Variants in TRIM5 observed in about 807,000 individuals in gnomAD.
TRIM5 encodes tripartite motif-containing protein 5.
TRIM5 carries 31 observed loss-of-function variants against 35.6 expected under a neutral mutation model. That is an observed-to-expected ratio of 0.87 (90% CI 0.65 to 1.18). The LOEUF (loss-of-function observed/expected upper bound fraction) is 1.18, where lower values mean the gene tolerates loss of function less well. Ranked by LOEUF, TRIM5 falls within the 50% of genes most tolerant of loss-of-function variation. TRIM5 has a pLI of 0.00. For missense variants in TRIM5, 609 were observed against 591.6 expected (o/e 1.03, Z -0.31); for synonymous variants, 243 against 215.6 (o/e 1.13, Z -1.11).
the TRIM5 span, chr11:5,643,114 C>A: frequency 2.0e-6 from 1 of 492,972 alleles, no homozygotes; most frequent in Non-Finnish European, 2.7e-6. Flanking sequence ...TATTCATATA[C>A]ATATATATAT....
chr11:5,684,288 TC>T (rs1852840790), intron 1 of TRIM5: 1 of 152,376 alleles, frequency 6.6e-6, no homozygotes, highest in Non-Finnish European at 1.5e-5. Flanking sequence ...GCCAATGCTT[TC>T]CACTGTTTTG....
the TRIM5 span, chr11:5,610,651 T>C: frequency 1.3e-6 from 2 of 1,571,068 alleles, no homozygotes; most frequent in African/African-American, 2.7e-5. Context: ...ATCCTAGGTG[T>C]TGATGCCTCC....
the TRIM5 span, chr11:5,644,262 T>C: frequency 1.0e-5 from 4 of 398,710 alleles, no homozygotes; most frequent in Non-Finnish European, 1.8e-5. Context: ...TCAGTTTCTT[T>C]TTCCTGAAAT....
chr11:5,657,454 T>C, the TRIM5 span, among the ~76,000 whole-genome samples: 46 of 143,586 alleles, frequency 3.2e-4, 1 homozygote, highest in South Asian at 6.4e-4. Context: ...GAACTTAAAG[T>C]GTATATATAT....
chr11:5,668,769 C>T (rs1851338681), intron 4 of TRIM5, among the ~76,000 whole-genome samples: 1 of 152,104 alleles, frequency 6.6e-6, no homozygotes, highest in Admixed American at 6.6e-5. Flanking sequence ...CTTAAGGTTG[C>T]TCTCTTTTCA....
chr11:5,619,573 T>C, the TRIM5 span, among the ~76,000 whole-genome samples: 1 of 149,742 alleles, frequency 6.7e-6, no homozygotes, highest in Non-Finnish European at 1.5e-5. Context: ...GCCCTAAGTC[T>C]AGGTGCTAGG....
At chr11:5,633,866 A>G in the TRIM5 span, 2 of 1,614,132 alleles carry the variant, frequency 1.2e-6, no homozygotes, top group Non-Finnish European at 1.7e-6. Context: ...AGAAGCTGGA[A>G]GCTGACATCA....
the TRIM5 span, chr11:5,634,980 C>T: frequency 5.8e-6 from 6 of 1,029,728 alleles, no homozygotes; most frequent in Admixed American, 1.1e-4. Flanking sequence ...GCCTTGTCGT[C>T]CATTCTAGAT....
the TRIM5 span, chr11:5,642,596 C>T: frequency 3.4e-6 from 5 of 1,491,558 alleles, no homozygotes; most frequent in Admixed American, 4.4e-5. Flanking sequence ...AAATTGAGGA[C>T]AGAAGAGAGG....
downstream of TRIM5, among the ~76,000 whole-genome samples, chr11:5,661,749 A>G (rs1034620027): frequency 6.6e-6 from 1 of 152,178 alleles, no homozygotes; most frequent in Non-Finnish European, 1.5e-5. Context: ...CCTTTTACTG[A>G]GAAGACGGAG....
intron 2 of TRIM5, 103 bp downstream of exon 2, chr11:5,679,658 T>C (rs1852274934): frequency 8.0e-7 from 1 of 1,250,694 alleles, no homozygotes; most frequent in Non-Finnish European, 1.1e-6. Flanking sequence ...TAATCCCGGG[T>C]CTCAGGTCTA....
At chr11:5,670,385 C>T (rs1022294138) in intron 4 of TRIM5, among the ~76,000 whole-genome samples, 1 of 151,516 alleles carries the variant, frequency 6.6e-6, no homozygotes, top group African/African-American at 2.4e-5. Flanking sequence ...TGGGTTTTCA[C>T]CGTGTAAGCC....
chr11:5,609,275 G>A, the TRIM5 span, among the ~76,000 whole-genome samples: 1 of 152,146 alleles, frequency 6.6e-6, no homozygotes, highest in African/African-American at 2.4e-5. Flanking sequence ...CCGTTTGGAG[G>A]TGAGGACATC....
At chr11:5,651,210 A>G in the TRIM5 span, among the ~76,000 whole-genome samples, 1 of 152,088 alleles carries the variant, frequency 6.6e-6, no homozygotes, top group African/African-American at 2.4e-5. Flanking sequence ...ACCTCACACC[A>G]CCAGATCCCT....
intron 5 of TRIM5, 40 bp from the exon 6 acceptor site, chr11:5,666,121 G>C: frequency 2.0e-6 from 3 of 1,521,562 alleles, no homozygotes; most frequent in African/African-American, 2.8e-5. Context: ...CCAAACCTTT[G>C]ACCTTGTGTC....
chr11:5,661,174 A>G (rs1850811521), downstream of TRIM5, among the ~76,000 whole-genome samples: 1 of 150,476 alleles, frequency 6.6e-6, no homozygotes, highest in Non-Finnish European at 1.5e-5. Flanking sequence ...TCAGAACATA[A>G]TTGTTACCTT....
At chr11:5,589,382 G>GAAAT in the TRIM5 span, 2 of 152,028 alleles carry the variant, frequency 1.3e-5, no homozygotes, top group Non-Finnish European at 2.9e-5. Context: ...TTTGCCCATA[G>GAAAT]AAATGCAAAT....
the TRIM5 span, among the ~76,000 whole-genome samples, chr11:5,641,596 T>C: frequency 6.6e-6 from 1 of 152,166 alleles, no homozygotes; most frequent in Non-Finnish European, 1.5e-5. Flanking sequence ...TTATATGTAC[T>C]TTGCTTACTT....
Position 5,664,789 on chromosome 11 carries a change from G to A in TRIM5, c.*20C>T, listed in dbSNP as rs1477227343. 1 of 1,565,280 alleles carries A rather than the reference G, an allele frequency of 6.4e-7. No individual in the cohort carries two copies. The highest frequency in any genetic ancestry group is 1.4e-5 in the African/African-American group (1 of 73,222). On this transcript the variant is annotated 3_prime_UTR_variant, in exon 8 of 8. Transcript: ENST00000380034. The stretch of plus-strand genomic sequence containing the variant: ...TGGACAAGAGGTGCTGTACAGAAGG[G>A]GCTGAGTGTGTAAGAAGGTTCAAGA...
Sources: gnomAD v4.1 joint callset for allele counts (sites outside exome capture counted in the v4.1 genomes callset) on GRCh38, gnomAD v4.1.1 for gene constraint, MANE v1.5 for transcripts, NCBI Gene and HGNC (gene_info 2026-07-23, HGNC 2026-07-21) for gene names.